Variants in HNRNPC observed in about 807,000 individuals in gnomAD.
HNRNPC encodes the protein heterogeneous nuclear ribonucleoproteins C1/C2.
In HNRNPC, 3 loss-of-function variants were observed where a neutral mutation model predicts 33.2. That is an observed-to-expected ratio of 0.09 (90% confidence interval 0.04 to 0.23). The LOEUF is 0.23. Ranked by LOEUF, HNRNPC falls within the 10% of genes least tolerant of loss-of-function variation. The probability of loss-of-function intolerance (pLI) is 1.00; values close to 1 mark genes in which losing one functional copy is unlikely to be tolerated. For missense variants in HNRNPC, 143 were observed against 366.7 expected (o/e 0.39, Z 4.98); for synonymous variants, 121 against 126.7 (o/e 0.96, Z 0.30).
chr14:21,251,688 G>GACAC (rs1284263415), intron 2 of HNRNPC, among the ~76,000 whole-genome samples: 2 of 151,762 alleles, frequency 1.3e-5, no homozygotes, highest in Non-Finnish European at 2.9e-5. Flanking sequence ...AAAAAAAAAA[G>GACAC]ACACACGTAT....
At chr14:21,235,586 T>C (rs1261545219) in intron 2 of HNRNPC, among the ~76,000 whole-genome samples, 1 of 152,206 alleles carries the variant, frequency 6.6e-6, no homozygotes, top group Non-Finnish European at 1.5e-5. Flanking sequence ...AACTTCTTAA[T>C]ATTTTAACAC....
At chr14:21,215,304 G>A (rs889114124) in intron 5 of HNRNPC, among the ~76,000 whole-genome samples, 1 of 152,178 alleles carries the variant, frequency 6.6e-6, no homozygotes, top group Non-Finnish European at 1.5e-5. Flanking sequence ...CATACATAGT[G>A]TGACAACCTT....
At chr14:21,247,561 C>T (rs1421566239) in intron 2 of HNRNPC, among the ~76,000 whole-genome samples, 2 of 152,090 alleles carry the variant, frequency 1.3e-5, no homozygotes, top group African/African-American at 4.8e-5. Context: ...ACTCTGGTTT[C>T]ATTTTTAGCA....
intron 6 of HNRNPC, among the ~76,000 whole-genome samples, chr14:21,212,252 A>G (rs573920333): frequency 2.0e-5 from 3 of 152,238 alleles, no homozygotes; most frequent in African/African-American, 7.2e-5. Flanking sequence ...CCAGGGTCTT[A>G]GCCTCCCCCT....
At position 21,234,155 on chromosome 14, in the gene HNRNPC, G is replaced by A. The variant is rs371734475; in HGVS notation, c.39C>T (p.Ser13=). Residue 13 remains serine (S), a synonymous_variant, in exon 3 of 9, where the codon TCC becomes TCT. Transcript: ENST00000553300. ...TCCCAATGAATACACGGGAGTTCAT[G>A]GAGCGAGGATCTGTCTTGTTGGTAA... ...SNVTNKTDPR[S]MNSRVFIGNL... is the part of the protein sequence containing the mutation. 9.3e-4 allele frequency: 1,504 copies of A among 1,614,044 alleles called. 2 individuals carry two copies. Among genetic ancestry groups the A allele is most frequent in the Non-Finnish European group, 1.2e-3 (1,382 of 1,180,012 alleles).
intron 6 of HNRNPC, among the ~76,000 whole-genome samples, chr14:21,212,605 T>A (rs1000703957): frequency 1.3e-5 from 2 of 151,914 alleles, no homozygotes; most frequent in African/African-American, 4.8e-5. Context: ...TGCAATGGCA[T>A]GATCTCGGCT....
chr14:21,256,006 TAAG>T (rs898226020), intron 2 of HNRNPC, among the ~76,000 whole-genome samples: 3 of 152,120 alleles, frequency 2.0e-5, no homozygotes, highest in South Asian at 2.1e-4. Flanking sequence ...TCAATACAGT[TAAG>T]AAGGCCAGTG....
intron 2 of HNRNPC, among the ~76,000 whole-genome samples, chr14:21,258,640 CAT>C (rs999461674): frequency 7.9e-5 from 12 of 152,222 alleles, no homozygotes; most frequent in African/African-American, 2.4e-4. Flanking sequence ...CAGTGTTGGA[CAT>C]AGTCAAGTGT....
intron 2 of HNRNPC, among the ~76,000 whole-genome samples, chr14:21,253,432 CA>C (rs1447134784): frequency 7.3e-6 from 1 of 137,356 alleles, no homozygotes; most frequent in Admixed American, 7.8e-5. Context: ...GAGATCACGC[CA>C]CTGCACTCCA....
At chr14:21,228,800 A>G (rs927038095) in intron 5 of HNRNPC, among the ~76,000 whole-genome samples, 3 of 152,064 alleles carry the variant, frequency 2.0e-5, no homozygotes, top group African/African-American at 7.2e-5. Flanking sequence ...AATCTGAGGA[A>G]AGGGCTGGAC....
At chr14:21,244,700 G>T (rs1031702500) in intron 2 of HNRNPC, among the ~76,000 whole-genome samples, 5 of 152,176 alleles carry the variant, frequency 3.3e-5, no homozygotes, top group African/African-American at 9.7e-5. Flanking sequence ...TGTTAATGTC[G>T]TAAGAGTGTA....
At chr14:21,260,116 C>T (rs1399912486) in intron 2 of HNRNPC, among the ~76,000 whole-genome samples, 1 of 143,774 alleles carries the variant, frequency 7.0e-6, no homozygotes, top group African/African-American at 2.7e-5. Flanking sequence ...AGGAGAATGG[C>T]GTGAACCTGG....
At chr14:21,219,908 G>A (rs1594212211) in intron 5 of HNRNPC, among the ~76,000 whole-genome samples, 1 of 152,108 alleles carries the variant, frequency 6.6e-6, no homozygotes, top group Non-Finnish European at 1.5e-5. Context: ...CAGTTGTCCA[G>A]ACAAAAACGC....
Position 21,211,164 on chromosome 14 carries a change from T to C in HNRNPC, c.*59A>G. ...AGAGGATCTGGTGAAAAATTTGATC[T>C]TAGACAAGCGCCTAGGTAAAGAAAT... On this transcript the variant is annotated 3_prime_UTR_variant, in exon 9 of 9. Transcript: ENST00000553300. 3.9e-6 allele frequency: 6 copies of C among 1,548,258 alleles called. No individual in the cohort carries two copies. Among genetic ancestry groups the C allele is most frequent in the Non-Finnish European group, 5.3e-6 (6 of 1,127,704 alleles).
At chr14:21,233,772 A>G (rs143158041) in intron 3 of HNRNPC, among the ~76,000 whole-genome samples, 181 bp downstream of exon 3, 54 of 152,310 alleles carry the variant, frequency 3.5e-4, no homozygotes, top group Middle Eastern at 3.4e-3. Flanking sequence ...AAATGGTACA[A>G]TGAAGAATAT....
chr14:21,237,824 T>G (rs1450725437), intron 2 of HNRNPC, among the ~76,000 whole-genome samples: 1 of 152,090 alleles, frequency 6.6e-6, no homozygotes, highest in Non-Finnish European at 1.5e-5. Flanking sequence ...AAGGATGGAG[T>G]GCAATGGAGC....
intron 4 of HNRNPC, 37 bp downstream of exon 4, chr14:21,230,960 G>A: frequency 6.2e-7 from 1 of 1,612,410 alleles, no homozygotes; most frequent in Non-Finnish European, 8.5e-7. Flanking sequence ...TTCCGGACCT[G>A]AGTAGAGGGG....
intron 2 of HNRNPC, among the ~76,000 whole-genome samples, chr14:21,262,199 G>C (rs1303379917): frequency 6.6e-6 from 1 of 152,070 alleles, no homozygotes; most frequent in African/African-American, 2.4e-5. Flanking sequence ...AAATATTAAT[G>C]AGATAAAAAG....
At chr14:21,250,053 G>A (rs1426714094) in intron 2 of HNRNPC, among the ~76,000 whole-genome samples, 3 of 152,018 alleles carry the variant, frequency 2.0e-5, no homozygotes, top group Non-Finnish European at 4.4e-5. Context: ...GAAAATAACA[G>A]CATGGTTAGT....
Sources: gnomAD v4.1 joint callset for allele counts (sites outside exome capture counted in the v4.1 genomes callset) on GRCh38, gnomAD v4.1.1 for gene constraint, MANE v1.5 for transcripts, NCBI Gene and HGNC (gene_info 2026-07-23, HGNC 2026-07-21) for gene names.